Variants in DOCK10 observed in about 807,000 individuals in gnomAD.
DOCK10 encodes dedicator of cytokinesis protein 10.
DOCK10 carries 145 observed loss-of-function variants against 280.1 expected under a neutral mutation model. The ratio of observed to expected loss-of-function variants is 0.52; its 90% CI spans 0.45 to 0.59. The LOEUF is 0.59. Among genes scored for constraint, DOCK10 ranks in the 20% least tolerant of loss-of-function variants. The pLI is 0.00. For synonymous variants in DOCK10, 915 were observed against 942.2 expected (o/e 0.97, Z 0.53); for missense variants, 2,368 against 2,651.7 (o/e 0.89, Z 2.35).
intron 31 of DOCK10, among the ~76,000 whole-genome samples, chr2:224,810,634 C>CA (rs1693704536): frequency 9.7e-6 from 1 of 103,140 alleles, no homozygotes; most frequent in East Asian, 3.7e-4. Context: ...TCCCTCCCCC[C>CA]TCCCCCCACC....
chr2:224,775,209 G>T, intron 51 of DOCK10, 94 bp from the exon 52 acceptor site: 1 of 1,134,824 alleles, frequency 8.8e-7, no homozygotes, highest in Non-Finnish European at 1.3e-6. Flanking sequence ...TCCAGAGGAG[G>T]CTGTGCCTCT....
At position 224,789,077 on chromosome 2, in the gene DOCK10, G is replaced by A; in HGVS notation, c.5405C>T (p.Thr1802Ile). The change falls in exon 48 of 56, where the codon ACA (threonine) becomes ATA (isoleucine). Residue 1802 changes from threonine to isoleucine, a missense_variant. Coordinates refer to ENST00000258390, the MANE Select transcript of DOCK10 (RefSeq NM_014689.3). ...TTTTGGTCTAACCTCATTGTATGGT[G>A]TATCTTGCATTCCAGAATCCTCTTT... ...AMKEDSGMQD[T>I]PYNENILVEQ... 1 of 1,612,530 alleles carries A rather than the reference G, an allele frequency of 6.2e-7. No homozygotes were observed. The highest frequency in any genetic ancestry group is 1.1e-5 in the South Asian group (1 of 90,870).
chr2:224,943,342 C>T (rs894080654), intron 1 of DOCK10, among the ~76,000 whole-genome samples: 3 of 142,386 alleles, frequency 2.1e-5, no homozygotes, highest in African/African-American at 7.4e-5. Flanking sequence ...CTTCAAATAG[C>T]ATTTGAAAAA....
At chr2:224,945,722 A>G (rs73081862) in intron 1 of DOCK10, among the ~76,000 whole-genome samples, 3,947 of 152,130 alleles carry the variant, frequency 0.026, 159 homozygotes, top group African/African-American at 0.089. Context: ...CTCTGTTTCT[A>G]TATTAAAGAT....
intron 47 of DOCK10, among the ~76,000 whole-genome samples, chr2:224,791,308 G>A (rs1692177707): frequency 6.6e-6 from 1 of 152,144 alleles, no homozygotes; most frequent in Non-Finnish European, 1.5e-5. Context: ...TAAATATCAG[G>A]CTACATAGGA....
intron 2 of DOCK10, among the ~76,000 whole-genome samples, chr2:224,918,233 T>A (rs562688329): frequency 1.7e-4 from 26 of 152,230 alleles, no homozygotes; most frequent in Admixed American, 9.8e-4. Context: ...TCAGTGCTAG[T>A]TGGATACCTA....
intron 1 of DOCK10, among the ~76,000 whole-genome samples, chr2:224,955,722 C>T (rs1412359886): frequency 6.6e-6 from 1 of 152,164 alleles, no homozygotes; most frequent in Non-Finnish European, 1.5e-5. Context: ...GTTGAATTTC[C>T]TTTATTTAGT....
chr2:225,011,324 C>G (rs775615204), intron 1 of DOCK10, among the ~76,000 whole-genome samples: 5 of 152,102 alleles, frequency 3.3e-5, no homozygotes, highest in Non-Finnish European at 7.4e-5. Flanking sequence ...CACAAATAAA[C>G]CTGCTAGAAG....
intron 14 of DOCK10, among the ~76,000 whole-genome samples, chr2:224,857,758 T>A (rs559865056): frequency 8.4e-5 from 12 of 143,550 alleles, no homozygotes; most frequent in African/African-American, 3.3e-4. Context: ...AAAAATAGAA[T>A]TTTTTTTTTT....
chr2:224,929,092 T>C (rs890779400), intron 2 of DOCK10, among the ~76,000 whole-genome samples: 4 of 152,200 alleles, frequency 2.6e-5, no homozygotes, highest in African/African-American at 9.7e-5. Context: ...GGCTTGTCCC[T>C]GGTCACCTAG....
intron 1 of DOCK10, among the ~76,000 whole-genome samples, chr2:225,039,345 T>G (rs923378112): frequency 2.0e-5 from 3 of 152,244 alleles, no homozygotes; most frequent in African/African-American, 7.2e-5. Flanking sequence ...GACATGATCC[T>G]TTGAATTGAT....
intron 11 of DOCK10, among the ~76,000 whole-genome samples, chr2:224,869,389 G>A (rs1698125875): frequency 6.6e-6 from 1 of 152,136 alleles, no homozygotes. Context: ...TGGCTCCTAA[G>A]CAGCTTGGAG....
At chr2:224,772,904 A>G (rs2124969669) in intron 53 of DOCK10, among the ~76,000 whole-genome samples, 1 of 152,358 alleles carries the variant, frequency 6.6e-6, no homozygotes, top group Non-Finnish European at 1.5e-5. Context: ...AGTTATCCAT[A>G]GAAGATGGGA....
chr2:224,950,212 A>C (rs1211195085), intron 1 of DOCK10, among the ~76,000 whole-genome samples: 1 of 152,204 alleles, frequency 6.6e-6, no homozygotes, highest in East Asian at 1.9e-4. Flanking sequence ...AGGGTGGTGG[A>C]ATACAGAAAA....
In DOCK10 at chr2:224,805,866, G is replaced by A. The variant is rs1389077292; in HGVS notation, c.3814+260C>T. On this transcript the variant is annotated intron_variant, in intron 34 of 55. Transcript: ENST00000258390. The surrounding 1 kb of genome is among the most constrained non-coding windows in gnomAD (Gnocchi z 4.3). ...CTGTCTGCAATGAAAACTTAAAGAC[G>A]GTTTCCAGAATAAAGTAATTTGATA... Among the ~76,000 whole-genome samples, 2 of 152,032 alleles carry A rather than the reference G, an allele frequency of 1.3e-5. No homozygotes were observed. Among genetic ancestry groups the A allele is most frequent in the African/African-American group, 4.8e-5 (2 of 41,396 alleles).
intron 3 of DOCK10, among the ~76,000 whole-genome samples, chr2:224,915,888 A>G (rs991334974): frequency 4.6e-5 from 7 of 152,276 alleles, no homozygotes; most frequent in African/African-American, 1.4e-4. Flanking sequence ...ATACACCAAT[A>G]AAATGCAAGT....
intron 11 of DOCK10, among the ~76,000 whole-genome samples, chr2:224,870,726 G>C (rs183957062): frequency 2.0e-5 from 3 of 147,588 alleles, no homozygotes; most frequent in Non-Finnish European, 3.0e-5. Context: ...TATGGTCATA[G>C]ATATTTTTAG....
In DOCK10 at chr2:224,802,053, A is replaced by C. The variant is rs1206057219; in HGVS notation, c.4269-13T>G. 1 of 1,611,008 alleles carries C rather than the reference A, an allele frequency of 6.2e-7. No individual in the cohort carries two copies. The highest frequency in any genetic ancestry group is 1.7e-5 in the Admixed American group (1 of 59,666). On this transcript the variant is annotated splice_polypyrimidine_tract_variant and intron_variant, in intron 39 of 55. Transcript: ENST00000258390. Reference sequence around the variant, plus strand: ...AGTGGAGTGCATCCTGAAAACAAAAAAAGAAAAGTGGTTAGAGTTATTTGG... The same window carrying C: ...AGTGGAGTGCATCCTGAAAACAAAACAAGAAAAGTGGTTAGAGTTATTTGG...
rs201679247 is a variant in DOCK10 at position 224,916,760 on chromosome 2, G to A, written c.268C>T (p.Arg90Cys). The A allele has an allele frequency of 1.1e-5, 18 of 1,610,230 alleles. No individual in the cohort carries two copies. Among genetic ancestry groups the A allele is most frequent in the African/African-American group, 1.1e-4 (8 of 74,920 alleles). Residue 90 changes from arginine to cysteine, a missense_variant, in exon 3 of 56, where the codon CGC becomes TGC. Physicochemically the swap from Arg to Cys is radical, Grantham distance 180. This residue lies in a region of DOCK10 where 1,209 missense variants were observed against 1,250.9 expected (regional missense o/e 0.97). Coordinates refer to ENST00000258390, the MANE Select transcript of DOCK10 (RefSeq NM_014689.3). The stretch of plus-strand genomic sequence containing the variant: ...TCAGGTACTGTTGAGTACAACGTGC[G>A]GATATCCCAGGAAACTGTGGCTGCC... Reference protein sequence around the residue: ...FSAATVSWDIRTLYSTVPEDA... With the variant: ...FSAATVSWDICTLYSTVPEDA...
Sources: gnomAD v4.1 joint callset for allele counts (sites outside exome capture counted in the v4.1 genomes callset) on GRCh38, gnomAD v4.1.1 for gene constraint, gnomAD v4.1.1 regional missense constraint, Gnocchi (gnomAD v3.1) non-coding constraint, MANE v1.5 for transcripts, NCBI Gene and HGNC (gene_info 2026-07-23, HGNC 2026-07-21) for gene names.